Variants in CPEB3 observed in about 807,000 individuals in gnomAD.
CPEB3 encodes cytoplasmic polyadenylation element binding protein 3.
Under a neutral mutation model 67.2 loss-of-function variants are expected in CPEB3, and 20 were observed. The ratio of observed to expected loss-of-function variants is 0.30; its 90% confidence interval spans 0.21 to 0.43. The LOEUF (loss-of-function observed/expected upper bound fraction) is 0.43, where lower values mean the gene tolerates loss of function less well. Among genes scored for constraint, CPEB3 ranks in the 20% least tolerant of loss-of-function variants. The pLI is 1.00. For missense variants in CPEB3, 746 were observed against 968.6 expected (o/e 0.77, Z 3.05); for synonymous variants, 376 against 393.1 (o/e 0.96, Z 0.51).
chr10:92,113,653 G>A (rs1175815897), intron 6 of CPEB3, among the ~76,000 whole-genome samples: 1 of 152,178 alleles, frequency 6.6e-6, no homozygotes, highest in Admixed American at 6.5e-5. Context: ...AAGGCCTCCT[G>A]GCTGACTCCA....
chr10:92,284,262 C>T (rs1842435272), intron 1 of CPEB3, among the ~76,000 whole-genome samples: 1 of 151,812 alleles, frequency 6.6e-6, no homozygotes, highest in Non-Finnish European at 1.5e-5. Flanking sequence ...TGGTCTCCAT[C>T]TCTTGACCTC....
intron 6 of CPEB3, among the ~76,000 whole-genome samples, chr10:92,133,933 T>C (rs1845965232): frequency 6.6e-6 from 1 of 152,148 alleles, no homozygotes; most frequent in African/African-American, 2.4e-5. Flanking sequence ...ATTATCTCAA[T>C]AGATGCAGGA....
chr10:92,097,794 T>C lies in CPEB3; in HGVS notation c.1573-5850A>G, dbSNP rs76828202. ...GATAAGCAGTGTTGGGGAAAAACTA[T>C]AGATTATCTTCTCCTTCTTGGAGTT... On this transcript the variant is annotated intron_variant, in intron 7 of 9. Coordinates refer to ENST00000265997, the MANE Select transcript of CPEB3 (RefSeq NM_014912.5). 3.5e-3 allele frequency among the ~76,000 whole-genome samples: 528 copies of C among 152,270 alleles called. 4 individuals are homozygous for C. The highest frequency in any genetic ancestry group is 6.0e-3 in the Admixed American group (91 of 15,286).
intron 4 of CPEB3, among the ~76,000 whole-genome samples, chr10:92,167,037 C>T (rs1266709430): frequency 1.3e-5 from 2 of 152,122 alleles, no homozygotes; most frequent in African/African-American, 4.8e-5. Flanking sequence ...ACCTCAGGAA[C>T]CAATGTTTGC....
chr10:92,211,123 A>G (rs1235698418), intron 2 of CPEB3, among the ~76,000 whole-genome samples: 3 of 152,236 alleles, frequency 2.0e-5, no homozygotes, highest in Non-Finnish European at 4.4e-5. Context: ...CTTATAAGTG[A>G]GAATATATGT....
chr10:92,235,115 C>T (rs748344167), intron 2 of CPEB3, among the ~76,000 whole-genome samples: 7 of 152,034 alleles, frequency 4.6e-5, no homozygotes, highest in Non-Finnish European at 8.8e-5. Context: ...CATGAAGGTA[C>T]CATCAGACAG....
At chr10:92,105,487 C>T (rs72807217) in intron 7 of CPEB3, among the ~76,000 whole-genome samples, 10,649 of 152,216 alleles carry the variant, frequency 0.07, 502 homozygotes, top group Middle Eastern at 0.14. Context: ...CCCTATACTT[C>T]CACCCTTCTC....
chr10:92,212,412 C>A (rs181380758), intron 2 of CPEB3, among the ~76,000 whole-genome samples: 3 of 149,512 alleles, frequency 2.0e-5, no homozygotes, highest in South Asian at 2.1e-4. Flanking sequence ...CACTGCCCAG[C>A]TAATTTTTGT....
chr10:92,084,913 A>G lies in CPEB3; in HGVS notation c.1688-3412T>C, dbSNP rs149933904. Among the ~76,000 whole-genome samples the G allele has an allele frequency of 4.6e-5, 7 of 152,254 alleles. No homozygotes were observed. In the East Asian group the frequency reaches 1.4e-3, roughly 29 times the overall value. On this transcript the variant is annotated intron_variant, in intron 8 of 9. Transcript: ENST00000265997. ...TTTTAACTACAGAAAGTCTAATACTATGACCACCCTTGAAGGGAAGTAAAC... is the reference window on the plus strand; with the variant it reads ...TTTTAACTACAGAAAGTCTAATACTGTGACCACCCTTGAAGGGAAGTAAAC...
chr10:92,053,687 A>G (rs895607480), intron 9 of CPEB3, among the ~76,000 whole-genome samples: 12 of 151,454 alleles, frequency 7.9e-5, no homozygotes, highest in East Asian at 1.9e-4. Context: ...GACTACAGGC[A>G]CCCGCCACCA....
At chr10:92,146,798 G>C (rs1846705222) in intron 4 of CPEB3, among the ~76,000 whole-genome samples, 1 of 152,166 alleles carries the variant, frequency 6.6e-6, no homozygotes, top group African/African-American at 2.4e-5. Flanking sequence ...ACAATAGACA[G>C]TAAATTCTCA....
At chr10:92,160,900 G>GT (rs1455046150) in intron 4 of CPEB3, among the ~76,000 whole-genome samples, 1 of 152,104 alleles carries the variant, frequency 6.6e-6, no homozygotes, top group Non-Finnish European at 1.5e-5. Context: ...TTGTTGGTTT[G>GT]TTTTTTTGAG....
intron 1 of CPEB3, among the ~76,000 whole-genome samples, chr10:92,290,458 A>G (rs548530233): frequency 6.6e-6 from 1 of 152,242 alleles, no homozygotes; most frequent in South Asian, 2.1e-4. Flanking sequence ...CAGCTGAGTA[A>G]GCAAGAGCTG....
chr10:92,239,597 A>G lies in CPEB3; in HGVS notation c.754T>C (p.Trp252Arg). 6.4e-7 allele frequency: 1 copy of G among 1,555,310 alleles called. No individual in the cohort carries two copies. The highest frequency in any genetic ancestry group is 1.4e-5 in the African/African-American group (1 of 73,582). The change falls in exon 2 of 10, where the codon TGG becomes CGG. Residue 252 changes from tryptophan to arginine, a missense_variant. Trp to Arg is a moderately radical substitution (Grantham distance 101). Coordinates refer to ENST00000265997, the MANE Select transcript of CPEB3 (RefSeq NM_014912.5). The surrounding 1 kb of genome is among the most constrained non-coding windows in gnomAD (Gnocchi z 6.0). ...WNTHQSVNAA[W>R]SAPSNPWGGL... ...CCCCAGGGGTTGGACGGTGCGCTCC[A>G]GGCTGCATTCACGCTTTGGTGCGTG...
intron 9 of CPEB3, among the ~76,000 whole-genome samples, chr10:92,063,490 C>A (rs1049385246): frequency 6.6e-6 from 1 of 152,170 alleles, no homozygotes; most frequent in Non-Finnish European, 1.5e-5. Context: ...ACCAGCCGGG[C>A]CCAGTGGCTC....
At chr10:92,118,644 TG>T in intron 6 of CPEB3, 2 of 587,168 alleles carry the variant, frequency 3.4e-6, no homozygotes, top group Admixed American at 2.4e-5. Context: ...CAACTGAATG[TG>T]GAACCCAAGA....
intron 3 of CPEB3, among the ~76,000 whole-genome samples, chr10:92,185,120 C>T (rs904724528): frequency 4.6e-5 from 7 of 152,178 alleles, no homozygotes; most frequent in African/African-American, 1.7e-4. Flanking sequence ...AAAATAGAAT[C>T]AAGTGCGTGA....
chr10:92,106,644 G>T (rs973214937), intron 7 of CPEB3, among the ~76,000 whole-genome samples: 1 of 151,444 alleles, frequency 6.6e-6, no homozygotes, highest in Admixed American at 6.6e-5. Context: ...GTGAAACCCC[G>T]TCTCTACTAA....
At chr10:92,104,496 C>T (rs1478153633) in intron 7 of CPEB3, among the ~76,000 whole-genome samples, 2 of 151,388 alleles carry the variant, frequency 1.3e-5, no homozygotes, top group East Asian at 1.9e-4. Flanking sequence ...ACACCATTCT[C>T]CTGCCTCAGC....
Sources: allele counts gnomAD v4.1 joint callset (sites outside exome capture counted in the v4.1 genomes callset), GRCh38; gene constraint gnomAD v4.1.1; non-coding constraint Gnocchi (gnomAD v3.1); transcripts MANE v1.5; gene names NCBI Gene and HGNC (gene_info 2026-07-23, HGNC 2026-07-21).